The following STK3 variants were observed in gnomAD, a reference collection of about 807,000 sequenced individuals.
The protein encoded by STK3 is serine/threonine-protein kinase 3.
Under a neutral mutation model 58.0 loss-of-function variants are expected in STK3, and 41 were observed. The ratio of observed to expected loss-of-function variants is 0.71; its 90% CI spans 0.55 to 0.92. The LOEUF (loss-of-function observed/expected upper bound fraction) is 0.92. STK3 is among the 40% of genes least tolerant of loss of function. The probability of loss-of-function intolerance (pLI) is 0.00; values close to 1 mark genes in which losing one functional copy is unlikely to be tolerated. For synonymous variants in STK3, 170 were observed against 191.0 expected, an observed-to-expected ratio of 0.89 and a Z score of 0.91; for missense variants, 479 against 602.7, an observed-to-expected ratio of 0.79 and a Z score of 2.15.
At chr8:98,855,436 G>C (rs1323511105) in intron 3 of STK3, among the ~76,000 whole-genome samples, 1 of 152,122 alleles carries the variant, frequency 6.6e-6, no homozygotes, top group Non-Finnish European at 1.5e-5. Flanking sequence ...TCAATAAATG[G>C]TGCTGAGACA....
At chr8:98,767,838 A>G (rs769726019) in intron 2 of STK3, among the ~76,000 whole-genome samples, 8 of 152,200 alleles carry the variant, frequency 5.3e-5, no homozygotes, top group Non-Finnish European at 1.0e-4. Flanking sequence ...TTAACATCAA[A>G]GTTAGAGAAG....
chr8:98,828,432 C>T (rs1383923736), upstream of STK3, among the ~76,000 whole-genome samples: 1 of 88,378 alleles, frequency 1.1e-5, no homozygotes, highest in Non-Finnish European at 2.0e-5. Context: ...TGAAACCCAT[C>T]TCTACAAAAA....
chr8:98,777,885 G>A (rs1171308497), intron 1 of STK3, among the ~76,000 whole-genome samples: 1 of 152,032 alleles, frequency 6.6e-6, no homozygotes, highest in Non-Finnish European at 1.5e-5. Flanking sequence ...AATTCAAGAT[G>A]GATTAAAGAT....
intron 6 of STK3, among the ~76,000 whole-genome samples, chr8:98,704,579 AC>A (rs1825841404): frequency 1.3e-5 from 2 of 151,920 alleles, no homozygotes; most frequent in African/African-American, 2.4e-5. Context: ...AAAAAAAAAA[AC>A]AGTGAGCAAG....
intron 6 of STK3, among the ~76,000 whole-genome samples, chr8:98,636,840 A>G (rs897201124): frequency 6.6e-6 from 1 of 152,136 alleles, no homozygotes; most frequent in Non-Finnish European, 1.5e-5. Context: ...AAATGGAGCT[A>G]TTACGCATCT....
chr8:98,720,956 A>T lies in STK3; in HGVS notation c.352-13645T>A, dbSNP rs149099546. 3.3e-3 allele frequency: 1,108 copies of T among 339,420 alleles called. 9 individuals carry two copies. Among genetic ancestry groups the T allele is most frequent in the African/African-American group, 0.023 (1,039 of 44,838 alleles). The allele number at this position is 339,420 out of a possible 1,614,324, so 21.0% of individuals were successfully genotyped here. A position where few individuals can be genotyped will look rare whatever the true frequency, so the allele number is the denominator to read the frequency against. On this transcript the variant is annotated intron_variant, in intron 4 of 10. Coordinates refer to ENST00000419617, the MANE Select transcript of STK3 (RefSeq NM_006281.4). Reference sequence around the variant, plus strand: ...AGGCAGTAAAAAAAAATCATCCCTGAATATCAGACAGAGTACCTGCCCCAG... The same window carrying T: ...AGGCAGTAAAAAAAAATCATCCCTGTATATCAGACAGAGTACCTGCCCCAG...
chr8:98,653,886 C>T (rs1464997595), intron 6 of STK3, among the ~76,000 whole-genome samples: 1 of 152,116 alleles, frequency 6.6e-6, no homozygotes, highest in African/African-American at 2.4e-5. Flanking sequence ...GGATTCACAG[C>T]CTAATTCTAC....
At chr8:98,874,914 A>C (rs554736127) in intron 3 of STK3, among the ~76,000 whole-genome samples, 1 of 152,120 alleles carries the variant, frequency 6.6e-6, no homozygotes, top group African/African-American at 2.4e-5. Flanking sequence ...ATGAGCCACC[A>C]CAACTGGCCC....
intron 6 of STK3, chr8:98,606,213 T>A (rs913527523): frequency 2.0e-5 from 3 of 152,158 alleles, no homozygotes; most frequent in Non-Finnish European, 4.4e-5. Context: ...GTGCCATCAG[T>A]ATGTGGTCTC....
chr8:98,806,054 ATTCCT>A (rs1371608369), intron 1 of STK3, among the ~76,000 whole-genome samples: 4 of 152,188 alleles, frequency 2.6e-5, no homozygotes, highest in African/African-American at 9.7e-5. Flanking sequence ...GTGATTCATT[ATTCCT>A]TTCATTATTA....
chr8:98,542,585 C>G (rs765883980), intron 9 of STK3, among the ~76,000 whole-genome samples: 1 of 152,190 alleles, frequency 6.6e-6, no homozygotes, highest in Middle Eastern at 3.4e-3. Context: ...CAGAGTTGCT[C>G]GATAGCTCAG....
At chr8:98,356,300 T>C in the STK3 span, among the ~76,000 whole-genome samples, 1 of 152,198 alleles carries the variant, frequency 6.6e-6, no homozygotes, top group African/African-American at 2.4e-5. Flanking sequence ...GGAGATTTCT[T>C]TCTTGCTTGG....
chr8:98,400,994 C>T (rs1817938352), downstream of STK3, among the ~76,000 whole-genome samples: 1 of 152,014 alleles, frequency 6.6e-6, no homozygotes, highest in African/African-American at 2.4e-5. Flanking sequence ...CTGGGTGGGC[C>T]TTTTGACTGC....
chr8:98,390,040 T>C (rs1817833821), upstream of STK3, among the ~76,000 whole-genome samples: 1 of 152,142 alleles, frequency 6.6e-6, no homozygotes, highest in East Asian at 1.9e-4. Context: ...CCCTCAGGGC[T>C]GATGTAAAAT....
intron 3 of STK3, among the ~76,000 whole-genome samples, chr8:98,766,382 T>C (rs950791485): frequency 2.0e-5 from 3 of 152,192 alleles, no homozygotes; most frequent in Admixed American, 6.5e-5. Flanking sequence ...GTAAAAGTGA[T>C]TACATAATAC....
chr8:98,563,499 C>T (rs891281698), intron 8 of STK3, among the ~76,000 whole-genome samples: 1 of 151,984 alleles, frequency 6.6e-6, no homozygotes, highest in Non-Finnish European at 1.5e-5. Flanking sequence ...GCCTCATAAG[C>T]TGAGAGGGCA....
chr8:98,826,019 T>C (rs866168310), upstream of STK3, among the ~76,000 whole-genome samples: 1 of 151,362 alleles, frequency 6.6e-6, no homozygotes, highest in African/African-American at 2.4e-5. Flanking sequence ...GACGAAGGCC[T>C]GGCTGGCCCC....
upstream of STK3, among the ~76,000 whole-genome samples, chr8:98,391,120 T>A (rs1817845133): frequency 6.6e-6 from 1 of 152,222 alleles, no homozygotes; most frequent in Non-Finnish European, 1.5e-5. Flanking sequence ...ATCCTGGACA[T>A]TTTGATTATT....
intron 1 of STK3, among the ~76,000 whole-genome samples, chr8:98,381,279 G>A (rs1817730822): frequency 1.3e-5 from 2 of 152,076 alleles, no homozygotes; most frequent in Non-Finnish European, 2.9e-5. Flanking sequence ...TCTATTGTGT[G>A]TATTTTAATT....
Sources: allele counts gnomAD v4.1 joint callset (sites outside exome capture counted in the v4.1 genomes callset), GRCh38; gene constraint gnomAD v4.1.1; transcripts MANE v1.5; gene names NCBI Gene and HGNC (gene_info 2026-07-23, HGNC 2026-07-21).